The following INTS9 variants were observed in gnomAD, a reference collection of about 807,000 sequenced individuals.
INTS9 encodes the protein protein related to CPSF subunits of 74 kDa.
INTS9 carries 55 observed loss-of-function variants against 79.7 expected under a neutral mutation model. The ratio of observed to expected loss-of-function variants is 0.69; its 90% CI spans 0.56 to 0.86. The LOEUF (loss-of-function observed/expected upper bound fraction) is 0.86, where lower values mean the gene tolerates loss of function less well. Ranked by LOEUF, INTS9 falls within the 40% of genes least tolerant of loss-of-function variation. The pLI, the probability that INTS9 is intolerant of heterozygous loss-of-function variation, is 0.00. For synonymous variants in INTS9, 319 were observed against 325.2 expected (o/e 0.98, Z 0.20); for missense variants, 721 against 831.5 (o/e 0.87, Z 1.64).
At chr8:28,777,212 C>T (rs2130875262) in intron 13 of INTS9, among the ~76,000 whole-genome samples, 1 of 152,254 alleles carries the variant, frequency 6.6e-6, no homozygotes, top group Admixed American at 6.5e-5. Context: ...GAGAGCTCTT[C>T]CTCGCCGGTG....
chr8:28,834,860 A>G (rs1366970708), intron 6 of INTS9, among the ~76,000 whole-genome samples: 2 of 152,132 alleles, frequency 1.3e-5, no homozygotes, highest in East Asian at 3.9e-4. Context: ...CATTTTTCAT[A>G]GAGACGGGGT....
At chr8:28,842,209 TGAG>T (rs1457376967) in intron 4 of INTS9, among the ~76,000 whole-genome samples, 2 of 152,018 alleles carry the variant, frequency 1.3e-5, no homozygotes, top group African/African-American at 4.8e-5. Flanking sequence ...TTAAACAGAC[TGAG>T]GAGGAGGAAG....
At chr8:28,885,898 A>G (rs773990252) in intron 1 of INTS9, among the ~76,000 whole-genome samples, 2 of 152,252 alleles carry the variant, frequency 1.3e-5, no homozygotes, top group Non-Finnish European at 2.9e-5. Context: ...ATTCTGGTTA[A>G]CTGAAAATGC....
chr8:28,811,923 C>T (rs1272966293), intron 8 of INTS9, among the ~76,000 whole-genome samples: 1 of 152,198 alleles, frequency 6.6e-6, no homozygotes, highest in Admixed American at 6.5e-5. Flanking sequence ...ATCAACTCCC[C>T]TACAACATAA....
At chr8:28,817,681 A>G (rs1307603677) in intron 6 of INTS9, among the ~76,000 whole-genome samples, 4 of 150,840 alleles carry the variant, frequency 2.7e-5, no homozygotes, top group Non-Finnish European at 4.4e-5. Flanking sequence ...GTTTTTTCCA[A>G]TTCTGTGAAG....
intron 6 of INTS9, 176 bp from the exon 7 acceptor site, chr8:28,813,788 G>A (rs1159935145): frequency 3.2e-6 from 2 of 622,032 alleles, no homozygotes; most frequent in African/African-American, 3.8e-5. Flanking sequence ...TTGAGACAGA[G>A]TCTCACTGTG....
chr8:28,793,846 G>A lies in INTS9; in HGVS notation c.998C>T (p.Ala333Val). Residue 333 changes from alanine to valine, a missense_variant, in exon 10 of 17, where the codon GCC (alanine) becomes GTC (valine). Ala to Val is a moderately conservative substitution (Grantham distance 64). This residue lies in a region of INTS9 where 149 missense variants were observed against 223.7 expected (regional missense o/e 0.67). Coordinates refer to ENST00000521022, the MANE Select transcript of INTS9 (RefSeq NM_018250.4). ...SVPLYFISPV[A>V]NSSLEFSQIF... ...CTGGGAAAACTCCAGTGAACTGTTGGCCACAGGGGAGATGAAGTAGAGGGG... is the reference window on the plus strand; with the variant it reads ...CTGGGAAAACTCCAGTGAACTGTTGACCACAGGGGAGATGAAGTAGAGGGG... 6.2e-7 allele frequency: 1 copy of A among 1,613,626 alleles called. No homozygotes were observed. The highest frequency in any genetic ancestry group is 1.1e-5 in the South Asian group (1 of 91,026).
intron 9 of INTS9, among the ~76,000 whole-genome samples, chr8:28,794,640 C>A (rs1478401714): frequency 6.6e-6 from 1 of 152,210 alleles, no homozygotes; most frequent in Admixed American, 6.5e-5. Context: ...TACAACCTTC[C>A]TTGGCCTCAG....
At chr8:28,878,402 T>G (rs1809506029) in intron 1 of INTS9, among the ~76,000 whole-genome samples, 1 of 151,670 alleles carries the variant, frequency 6.6e-6, no homozygotes, top group Non-Finnish European at 1.5e-5. Flanking sequence ...AGCCTCGACC[T>G]CCTGGGCTCA....
intron 2 of INTS9, among the ~76,000 whole-genome samples, chr8:28,855,948 G>A (rs1369244645): frequency 6.6e-6 from 1 of 152,202 alleles, no homozygotes; most frequent in Non-Finnish European, 1.5e-5. Flanking sequence ...AAGAGGAAAT[G>A]ATAAAGCAAA....
At position 28,857,657 on chromosome 8, in the gene INTS9, T is replaced by C. The variant is rs145337754; in HGVS notation, c.137+1779A>G. ...CTCTGAAAAAGTGACGAGTATGGAA[T>C]ACAGAGAAGATAAAGCAATTCATTC... On this transcript the variant is annotated intron_variant, in intron 2 of 16. Transcript: ENST00000521022. 3.9e-3 allele frequency among the ~76,000 whole-genome samples: 589 copies of C among 152,262 alleles called. 3 individuals carry two copies. The highest frequency in any genetic ancestry group is 0.013 in the African/African-American group (559 of 41,542).
At chr8:28,822,921 G>C (rs550911149) in intron 6 of INTS9, among the ~76,000 whole-genome samples, 1 of 152,056 alleles carries the variant, frequency 6.6e-6, no homozygotes, top group Admixed American at 6.6e-5. Context: ...CTCTTTGGCA[G>C]GGAGTTACTG....
rs185556897 is a variant in INTS9, at chr8:28,835,155, C to G, written c.488+137G>C. The stretch of plus-strand genomic sequence containing the variant: ...AATGTTGGTTGAATCAAATATAACC[C>G]TTTCATGTATTAGGAAAAAGAGAAT... On this transcript the variant is annotated intron_variant, in intron 6 of 16. Coordinates refer to ENST00000521022, the MANE Select transcript of INTS9 (RefSeq NM_018250.4). The G allele has an allele frequency of 1.0e-3, 621 of 613,174 alleles. 1 individual carries two copies. The African/African-American group carries it at 0.01, about 10-fold the overall frequency. The allele number at this position is 613,174 out of a possible 1,614,324, so 38.0% of individuals were successfully genotyped here. A position where few individuals can be genotyped will look rare whatever the true frequency, so the allele number is the denominator to read the frequency against.
At chr8:28,773,554 C>CTT (rs530215220) in intron 14 of INTS9, among the ~76,000 whole-genome samples, 3 of 142,332 alleles carry the variant, frequency 2.1e-5, no homozygotes, top group Admixed American at 7.0e-5. Flanking sequence ...TTTGAAATAT[C>CTT]TTTTTTTTTT....
At chr8:28,851,338 T>C (rs1248977969) in intron 2 of INTS9, among the ~76,000 whole-genome samples, 1 of 152,070 alleles carries the variant, frequency 6.6e-6, no homozygotes, top group Non-Finnish European at 1.5e-5. Context: ...CTGTCAATCT[T>C]TTAGAAATGG....
intron 1 of INTS9, 164 bp downstream of exon 1, chr8:28,889,710 A>T (rs1453936910): frequency 1.4e-6 from 1 of 691,480 alleles, no homozygotes; most frequent in African/African-American, 1.8e-5. Flanking sequence ...AGGGAATTCA[A>T]ACCTTCTCAA....
At chr8:28,831,065 C>A (rs1224461506) in intron 6 of INTS9, among the ~76,000 whole-genome samples, 1 of 152,146 alleles carries the variant, frequency 6.6e-6, no homozygotes, top group African/African-American at 2.4e-5. Context: ...AACCAAAATG[C>A]CCATCAATGA....
At chr8:28,809,589 T>C (rs1342958897) in intron 8 of INTS9, among the ~76,000 whole-genome samples, 1 of 152,224 alleles carries the variant, frequency 6.6e-6, no homozygotes, top group Non-Finnish European at 1.5e-5. Flanking sequence ...TTATGGACCT[T>C]GTAAGAATAA....
At chr8:28,785,587 A>G (rs980221001) in intron 11 of INTS9, among the ~76,000 whole-genome samples, 1 of 152,212 alleles carries the variant, frequency 6.6e-6, no homozygotes, top group African/African-American at 2.4e-5. Context: ...CTCTGAGCAT[A>G]CAGCAAGATC....
Sources: gnomAD v4.1 joint callset for allele counts (sites outside exome capture counted in the v4.1 genomes callset) on GRCh38, gnomAD v4.1.1 for gene constraint, gnomAD v4.1.1 regional missense constraint, MANE v1.5 for transcripts, NCBI Gene and HGNC (gene_info 2026-07-23, HGNC 2026-07-21) for gene names.